DCAF6: variants seen among roughly 807,000 people sequenced by gnomAD.
DCAF6 encodes DDB1- and CUL4-associated factor 6.
DCAF6 carries 54 observed loss-of-function variants against 125.1 expected under a neutral mutation model. The observed-to-expected ratio is 0.43, with a 90% CI of 0.35 to 0.54. The LOEUF (loss-of-function observed/expected upper bound fraction) is 0.54. Among genes scored for constraint, DCAF6 ranks in the 20% least tolerant of loss-of-function variants. DCAF6 has a pLI of 0.01. For missense variants in DCAF6, 934 were observed against 1,161.7 expected (o/e 0.80, Z 2.85); for synonymous variants, 371 against 390.4 (o/e 0.95, Z 0.58).
chr1:168,031,257 AT>A (rs1391099073), intron 12 of DCAF6, among the ~76,000 whole-genome samples: 1 of 152,230 alleles, frequency 6.6e-6, no homozygotes, highest in Non-Finnish European at 1.5e-5. Context: ...AAATTAAAAG[AT>A]TTTGCCAGCG....
the DCAF6 span, among the ~76,000 whole-genome samples, chr1:167,908,163 A>G: frequency 6.6e-6 from 1 of 152,248 alleles, no homozygotes; most frequent in African/African-American, 2.4e-5. Flanking sequence ...TTGTTCATCA[A>G]CATATGAATG....
At chr1:167,865,229 A>C in the DCAF6 span, among the ~76,000 whole-genome samples, 4,912 of 152,312 alleles carry the variant, frequency 0.032, 103 homozygotes, top group Middle Eastern at 0.071. Flanking sequence ...TTTTACCTAC[A>C]TTAAAAGGTT....
chr1:167,872,742 G>T, the DCAF6 span, among the ~76,000 whole-genome samples: 667 of 149,332 alleles, frequency 4.5e-3, 6 homozygotes, highest in African/African-American at 0.016. Flanking sequence ...CATACTGGTG[G>T]AATCAGTGCA....
chr1:167,977,163 C>T (rs957939736), intron 4 of DCAF6, among the ~76,000 whole-genome samples: 19 of 149,236 alleles, frequency 1.3e-4, no homozygotes, highest in Non-Finnish European at 2.2e-4. Context: ...CTCTGCCTCT[C>T]AAAGCTCTGG....
At chr1:168,060,540 A>G (rs1214196093) in intron 17 of DCAF6, among the ~76,000 whole-genome samples, 2 of 152,148 alleles carry the variant, frequency 1.3e-5, no homozygotes, top group Non-Finnish European at 2.9e-5. Flanking sequence ...TCGTTTATTC[A>G]TAATTATTAC....
At chr1:168,052,867 A>G (rs1179773200) in intron 17 of DCAF6, among the ~76,000 whole-genome samples, 1 of 152,142 alleles carries the variant, frequency 6.6e-6, no homozygotes, top group Admixed American at 6.5e-5. Context: ...TGCTTTCAGT[A>G]GTTCTCCATT....
chr1:167,951,224 A>C (rs1052905448), intron 1 of DCAF6, among the ~76,000 whole-genome samples: 1 of 152,212 alleles, frequency 6.6e-6, no homozygotes, highest in African/African-American at 2.4e-5. Context: ...GAATAAATGA[A>C]GAAATGTACG....
chr1:167,905,131 GAGTGTTCATGTTCAAGACA>G, the DCAF6 span: 1 of 1,614,190 alleles, frequency 6.2e-7, no homozygotes, highest in Non-Finnish European at 8.5e-7. Flanking sequence ...TCTTCTTTTG[GAGTGTTCATGTTCAAGACA>G]AATGTTCAGG....
the DCAF6 span, among the ~76,000 whole-genome samples, chr1:167,872,084 G>A: frequency 3.3e-5 from 5 of 152,270 alleles, no homozygotes; most frequent in African/African-American, 1.2e-4. Flanking sequence ...GCTCACGCCT[G>A]TAATCCCAGC....
At position 167,941,277 on chromosome 1, in the gene DCAF6, G is replaced by A. The variant is rs984745968; in HGVS notation, c.97+4269G>A. ...ATATACTGATAATTCCTTAAGGCAG[G>A]ACACCAAAGGCATATAAGTAATCAT... On this transcript the variant is annotated intron_variant, in intron 1 of 21. Transcript: ENST00000367840. 3.9e-5 allele frequency among the ~76,000 whole-genome samples: 6 copies of A among 152,218 alleles called. No individual in the cohort carries two copies. In the East Asian group the frequency reaches 1.2e-3, roughly 29 times the overall value.
chr1:167,999,161 C>T (rs1682219038), intron 7 of DCAF6, among the ~76,000 whole-genome samples: 1 of 152,158 alleles, frequency 6.6e-6, no homozygotes, highest in Non-Finnish European at 1.5e-5. Context: ...TGACCAGGTG[C>T]ATTGTCAATG....
chr1:167,894,034 C>A, the DCAF6 span: 2 of 843,276 alleles, frequency 2.4e-6, no homozygotes, highest in Non-Finnish European at 4.0e-6. Context: ...TTCTCTTGGG[C>A]AGTGGGCCTT....
At chr1:167,905,204 A>G in the DCAF6 span, 65 of 1,556,402 alleles carry the variant, frequency 4.2e-5, no homozygotes, top group Non-Finnish European at 5.7e-5. Context: ...GTCTTCTAAA[A>G]AGAAAATTGA....
the DCAF6 span, among the ~76,000 whole-genome samples, chr1:167,926,630 T>C: frequency 4.6e-5 from 7 of 150,916 alleles, no homozygotes; most frequent in South Asian, 2.2e-4. Flanking sequence ...ATGCTGCTGC[T>C]GCTGCCGCTG....
chr1:167,936,679 C>A (rs1346069185), upstream of DCAF6: 1 of 489,122 alleles, frequency 2.0e-6, no homozygotes, highest in Non-Finnish European at 3.6e-6. Flanking sequence ...TGTTGCTGAT[C>A]TTTGGATGTT....
chr1:167,871,929 A>AGGCTGCAT, the DCAF6 span, among the ~76,000 whole-genome samples: 1 of 152,378 alleles, frequency 6.6e-6, no homozygotes, highest in Non-Finnish European at 1.5e-5. Flanking sequence ...GAGGCTTCAA[A>AGGCTGCAT]GGCTGCATAG....
At chr1:167,957,164 C>T (rs1402618469) in intron 2 of DCAF6, among the ~76,000 whole-genome samples, 4 of 151,756 alleles carry the variant, frequency 2.6e-5, no homozygotes, top group Non-Finnish European at 5.9e-5. Flanking sequence ...GTGTTCAATT[C>T]GGTGGTTTTT....
Position 167,936,769 on chromosome 1 carries a change from T to TGCCACC in DCAF6, c.-138_-133dup, listed in dbSNP as rs1671286779. 4.3e-6 allele frequency: 3 copies of TGCCACC among 700,054 alleles called. No individual in the cohort carries two copies. The highest frequency in any genetic ancestry group is 7.2e-6 in the Non-Finnish European group (3 of 417,254). 43.4% of individuals were successfully genotyped at this position (700,054 alleles called of 1,614,324 possible). ...GCTTCAGGGGCCCAGGCGCCGCTGC[T>TGCCACC]GCCACCGCCATCTAACGCTGCGCCC... On this transcript the variant is annotated 5_prime_UTR_variant, in exon 1 of 22. Transcript: ENST00000367840.
At chr1:167,982,503 AGTGCT>A (rs1679351417) in intron 4 of DCAF6, among the ~76,000 whole-genome samples, 2 of 152,138 alleles carry the variant, frequency 1.3e-5, no homozygotes, top group African/African-American at 4.8e-5. Context: ...AGCCTCCCAA[AGTGCT>A]GAGATTACAG....
Sources: allele counts gnomAD v4.1 joint callset (sites outside exome capture counted in the v4.1 genomes callset), GRCh38; gene constraint gnomAD v4.1.1; transcripts MANE v1.5; gene names NCBI Gene and HGNC (gene_info 2026-07-23, HGNC 2026-07-21).